CDK14: variants seen among roughly 807,000 people sequenced by gnomAD.
The protein encoded by CDK14 is cyclin-dependent kinase 14.
Under a neutral mutation model 60.7 loss-of-function variants are expected in CDK14, and 34 were observed. The ratio of observed to expected loss-of-function variants is 0.56; its 90% CI spans 0.43 to 0.75. CDK14 has a LOEUF of 0.75. CDK14 is among the 30% of genes least tolerant of loss of function. The pLI is 0.00. For missense variants in CDK14, 482 were observed against 564.1 expected, an observed-to-expected ratio of 0.85 and a Z score of 1.47; for synonymous variants, 197 against 203.7, an observed-to-expected ratio of 0.97 and a Z score of 0.28.
intron 14 of CDK14, among the ~76,000 whole-genome samples, chr7:91,164,379 A>G (rs1801276961): frequency 6.6e-6 from 1 of 152,176 alleles, no homozygotes; most frequent in Non-Finnish European, 1.5e-5. Context: ...AATCCTTACA[A>G]CAACCCGAAG....
At chr7:90,797,771 C>A (rs1177390770) in intron 5 of CDK14, among the ~76,000 whole-genome samples, 1 of 151,770 alleles carries the variant, frequency 6.6e-6, no homozygotes, top group African/African-American at 2.4e-5. Context: ...GGGAGGAGGT[C>A]CTATACACTC....
rs1443241240 is a variant in CDK14 at position 90,811,393 on chromosome 7, C to T, written c.544+20741C>T. Among the ~76,000 whole-genome samples the T allele has an allele frequency of 1.1e-4, 16 of 152,086 alleles. No homozygotes were observed. The East Asian group carries it at 2.3e-3, about 22-fold the overall frequency. ...AGGATTCCCTATTTAATAAATGGTGCTGGGAAAACTGGCTAGCCATATGCA... is the reference window on the plus strand; with the variant it reads ...AGGATTCCCTATTTAATAAATGGTGTTGGGAAAACTGGCTAGCCATATGCA... On this transcript the variant is annotated intron_variant, in intron 5 of 14. Coordinates refer to ENST00000380050, the MANE Select transcript of CDK14 (RefSeq NM_001287135.2).
chr7:91,036,955 G>C (rs1350114980), intron 10 of CDK14, among the ~76,000 whole-genome samples: 1 of 152,220 alleles, frequency 6.6e-6, no homozygotes, highest in Non-Finnish European at 1.5e-5. Context: ...TGAAGGCGAA[G>C]GTTGTGAACA....
In CDK14 at chr7:90,814,075, A is replaced by G. The variant is rs1018245964; in HGVS notation, c.544+23423A>G. ...ATATGTGTTACTTTTATTATCAGAA[A>G]TAAAACTTTTGTTGACTCTAAACTT... On this transcript the variant is annotated intron_variant, in intron 5 of 14. Coordinates refer to ENST00000380050, the MANE Select transcript of CDK14 (RefSeq NM_001287135.2). 1.5e-3 allele frequency among the ~76,000 whole-genome samples: 229 copies of G among 152,340 alleles called. 1 individual carries two copies. The highest frequency in any genetic ancestry group is 1.6e-4 in the Non-Finnish European group (11 of 68,024).
intron 8 of CDK14, among the ~76,000 whole-genome samples, chr7:90,927,935 C>G (rs1432081252): frequency 6.6e-6 from 1 of 152,154 alleles, no homozygotes; most frequent in Non-Finnish European, 1.5e-5. Flanking sequence ...TTTCTCTAAA[C>G]TTCTCTTCTT....
intron 6 of CDK14, among the ~76,000 whole-genome samples, chr7:90,888,960 C>T (rs1220847228): frequency 6.6e-6 from 1 of 152,260 alleles, no homozygotes; most frequent in Non-Finnish European, 1.5e-5. Context: ...TAACCCTTTC[C>T]TCCACTATTT....
At chr7:90,928,839 G>A (rs1490948097) in intron 8 of CDK14, among the ~76,000 whole-genome samples, 1 of 152,238 alleles carries the variant, frequency 6.6e-6, no homozygotes, top group African/African-American at 2.4e-5. Context: ...TACAGAGGCA[G>A]GCAGGCTTCC....
At chr7:90,960,341 ATGCCAGTC>A (rs1340113448) in intron 9 of CDK14, among the ~76,000 whole-genome samples, 1 of 152,164 alleles carries the variant, frequency 6.6e-6, no homozygotes, top group Non-Finnish European at 1.5e-5. Context: ...GAATGATAGC[ATGCCAGTC>A]TCTTCCTTTC....
intron 2 of CDK14, among the ~76,000 whole-genome samples, chr7:90,657,014 G>A (rs1800766800): frequency 6.7e-6 from 1 of 150,194 alleles, no homozygotes; most frequent in Non-Finnish European, 1.5e-5. Flanking sequence ...GGAAATACTT[G>A]CAGAGAAATA....
rs117196922 is a variant in CDK14 at position 90,950,138 on chromosome 7, G to A, written c.827-5559G>A. 2.6e-3 allele frequency among the ~76,000 whole-genome samples: 395 copies of A among 152,268 alleles called. 3 individuals carry two copies. The highest frequency in any genetic ancestry group is 6.8e-3 in the Middle Eastern group (2 of 294). On this transcript the variant is annotated intron_variant, in intron 8 of 14. Coordinates refer to ENST00000380050, the MANE Select transcript of CDK14 (RefSeq NM_001287135.2). ...CGGAGTTTCGCTTTGTTGCCCAGGC[G>A]TGATCTCGGCTCACTGCAACCTCCG...
At chr7:91,133,805 G>A (rs1800185195) in intron 14 of CDK14, among the ~76,000 whole-genome samples, 1 of 152,080 alleles carries the variant, frequency 6.6e-6, no homozygotes, top group African/African-American at 2.4e-5. Flanking sequence ...CAAGTTCTTT[G>A]ACGCTATCTC....
intron 14 of CDK14, among the ~76,000 whole-genome samples, chr7:91,139,810 C>CTTTCTTTCTTTCTTTCT (rs762425274): frequency 5.9e-5 from 8 of 136,032 alleles, no homozygotes; most frequent in Non-Finnish European, 1.3e-4. Context: ...TTCTTTCTTT[C>CTTTCTTTCTTTCTTTCT]TTTCTTTTCT....
intron 2 of CDK14, among the ~76,000 whole-genome samples, chr7:90,607,558 C>A (rs1394615480): frequency 6.6e-6 from 1 of 152,184 alleles, no homozygotes; most frequent in Non-Finnish European, 1.5e-5. Context: ...TCAGTCTAAT[C>A]TGCTAATTTT....
At chr7:90,811,099 A>G (rs992400441) in intron 5 of CDK14, among the ~76,000 whole-genome samples, 1 of 152,256 alleles carries the variant, frequency 6.6e-6, no homozygotes, top group Non-Finnish European at 1.5e-5. Context: ...CTTTCTTCAC[A>G]GAACTGGAAA....
intron 14 of CDK14, among the ~76,000 whole-genome samples, chr7:91,131,614 G>A (rs1254150169): frequency 6.6e-6 from 1 of 152,090 alleles, no homozygotes; most frequent in Non-Finnish European, 1.5e-5. Flanking sequence ...AACAAAGCAG[G>A]GAATGTCTGA....
chr7:90,615,185 G>C lies in CDK14; in HGVS notation c.123+10936G>C, dbSNP rs7793559. ...GTAGTTATAATACGATAGAAAAAAA[G>C]TTTTCAATATGCACTTTTATACCTA... is the stretch of plus-strand genomic sequence containing the variant. On this transcript the variant is annotated intron_variant, in intron 2 of 14. Transcript: ENST00000380050. 6.8e-3 allele frequency among the ~76,000 whole-genome samples: 1,031 copies of C among 152,278 alleles called. 16 individuals are homozygous for C. The highest frequency in any genetic ancestry group is 0.024 in the African/African-American group (990 of 41,546).
Position 90,955,738 on chromosome 7 carries a change from A to G in CDK14, c.868A>G (p.Asn290Asp). The change falls in exon 9 of 15, where the codon AAC (asparagine) becomes GAC (aspartate). Residue 290 changes from asparagine to aspartate, a missense_variant. By Grantham distance (23) the Asn-to-Asp change is conservative (BLOSUM62 1). Transcript: ENST00000380050. ...ATCCGTCCCTAGCCACACATACTCC[A>G]ACGAAGTGGTTACCTTGTGGTACAG... ...AKSVPSHTYSNEVVTLWYRPP... is the reference protein window; with the variant it reads ...AKSVPSHTYSDEVVTLWYRPP... The G allele has an allele frequency of 6.2e-7, 1 of 1,613,492 alleles. No homozygotes were observed. Among genetic ancestry groups the G allele is most frequent in the Non-Finnish European group, 8.5e-7 (1 of 1,179,514 alleles).
intron 12 of CDK14, among the ~76,000 whole-genome samples, chr7:91,086,540 C>T (rs948118999): frequency 3.3e-5 from 5 of 152,152 alleles, no homozygotes; most frequent in Admixed American, 3.3e-4. Context: ...ACTCAGAAAA[C>T]ACCGTAAAGG....
chr7:91,062,320 A>G (rs907165706), intron 11 of CDK14, among the ~76,000 whole-genome samples: 6 of 152,158 alleles, frequency 3.9e-5, no homozygotes, highest in African/African-American at 1.4e-4. Context: ...TGGCTGGGAA[A>G]GGGAATTCCC....
Sources: allele counts gnomAD v4.1 joint callset (sites outside exome capture counted in the v4.1 genomes callset), GRCh38; gene constraint gnomAD v4.1.1; transcripts MANE v1.5; gene names NCBI Gene and HGNC (gene_info 2026-07-23, HGNC 2026-07-21).